RERE: variants seen among roughly 807,000 people sequenced by gnomAD.
RERE encodes arginine-glutamic acid dipeptide repeats protein.
In RERE, 40 loss-of-function variants were observed where a neutral mutation model predicts 146.1. That is an observed-to-expected ratio of 0.27 (90% CI 0.21 to 0.36). RERE has a LOEUF of 0.36. Ranked by LOEUF, RERE falls within the 10% of genes least tolerant of loss-of-function variation. The pLI, the probability that RERE is intolerant of heterozygous loss-of-function variation, is 1.00. For missense variants in RERE, 1,933 were observed against 2,138.7 expected, an observed-to-expected ratio of 0.90 and a Z score of 1.90; for synonymous variants, 1,003 against 866.0, an observed-to-expected ratio of 1.16 and a Z score of -2.78.
chr1:8,810,026 G>C (rs1264932991), intron 1 of RERE, among the ~76,000 whole-genome samples: 1 of 152,048 alleles, frequency 6.6e-6, no homozygotes, highest in African/African-American at 2.4e-5. Flanking sequence ...TGTTGTTTGA[G>C]ACAGAGTCTT....
At chr1:8,379,165 A>C (rs950891209) in intron 12 of RERE, among the ~76,000 whole-genome samples, 1 of 152,100 alleles carries the variant, frequency 6.6e-6, no homozygotes, top group African/African-American at 2.4e-5. Context: ...GAGAACCACA[A>C]GATGGGAAGG....
rs139549067 is a variant in RERE, at chr1:8,393,897, T to C, written c.1285-27923A>G. On this transcript the variant is annotated intron_variant, in intron 12 of 22. Transcript: ENST00000400908. ...TAAAACTTCCTTCATTTTTTGTTTA[T>C]AATTTGAAGGGCAATTAGAAGCTTC... Among the ~76,000 whole-genome samples, 33 of 152,310 alleles carry C rather than the reference T, an allele frequency of 2.2e-4. 3 individuals carry two copies. In the East Asian group the frequency reaches 2.9e-3, roughly 13 times the overall value.
At chr1:8,516,393 A>G (rs2124326833) in intron 7 of RERE, among the ~76,000 whole-genome samples, 1 of 152,242 alleles carries the variant, frequency 6.6e-6, no homozygotes, top group East Asian at 1.9e-4. Context: ...GGTAATAATA[A>G]TAACAATACT....
At chr1:8,758,522 G>C (rs1297773285) in intron 1 of RERE, among the ~76,000 whole-genome samples, 1 of 151,444 alleles carries the variant, frequency 6.6e-6, no homozygotes, top group Non-Finnish European at 1.5e-5. Flanking sequence ...CTCCTAAGTA[G>C]CTGGGACTAC....
chr1:8,422,663 A>G lies in RERE; in HGVS notation c.1284+64T>C, dbSNP rs113599621. The G allele has an allele frequency of 1.2e-4, 138 of 1,199,736 alleles. 2 individuals are homozygous for G. Among genetic ancestry groups the G allele is most frequent in the Non-Finnish European group, 5.0e-6 (4 of 802,882 alleles). 74.3% of individuals were successfully genotyped at this position (1,199,736 alleles called of 1,614,324 possible). A position where few individuals can be genotyped will look rare whatever the true frequency, so the allele number is the denominator to read the frequency against. ...AAAGGAAACCATTTCATAAGATCAA[A>G]TGTGGAGAGGCAGCAGGAGCAAAGA... On this transcript the variant is annotated intron_variant, in intron 12 of 22. Transcript: ENST00000400908.
At chr1:8,484,457 G>A (rs924629152) in intron 10 of RERE, among the ~76,000 whole-genome samples, 52 of 145,746 alleles carry the variant, frequency 3.6e-4, no homozygotes, top group African/African-American at 9.4e-4. Flanking sequence ...ATGGAGTCTC[G>A]CTCTGTCGCC....
chr1:8,808,147 CAAAAA>C (rs778069782), intron 1 of RERE, among the ~76,000 whole-genome samples: 5 of 53,170 alleles, frequency 9.4e-5, no homozygotes, highest in Non-Finnish European at 2.0e-4. Context: ...GACCTTGTCT[CAAAAA>C]AAAAAAAAAA....
chr1:8,624,407 CA>C (rs760841524), intron 2 of RERE, 27 bp from the exon 3 acceptor site: 8 of 1,505,714 alleles, frequency 5.3e-6, no homozygotes, highest in Non-Finnish European at 7.4e-6. Context: ...AATTTTAAAA[CA>C]ATGGCATTTA....
intron 1 of RERE, among the ~76,000 whole-genome samples, chr1:8,791,541 C>T (rs762160235): frequency 6.6e-6 from 1 of 152,160 alleles, no homozygotes; most frequent in Non-Finnish European, 1.5e-5. Context: ...CAGCCAAATG[C>T]CCAGGGGAAG....
chr1:8,774,600 C>A (rs890939757), intron 1 of RERE, among the ~76,000 whole-genome samples: 32 of 151,916 alleles, frequency 2.1e-4, no homozygotes, highest in African/African-American at 7.7e-4. Flanking sequence ...CTGATCGACC[C>A]GCCTCGGCCT....
rs1455199121 is a variant in RERE at position 8,353,677 on chromosome 1, G to A, written c.*1410C>T. 1 of 152,256 alleles carries A rather than the reference G, an allele frequency of 6.6e-6. No homozygotes were observed. The highest frequency in any genetic ancestry group is 1.5e-5 in the Non-Finnish European group (1 of 68,064). 9.4% of individuals were successfully genotyped at this position (152,256 alleles called of 1,614,324 possible). ...TCCGCTCAGAAGGGCCTGGCCTCCT[G>A]AGAAGCAGCCCCCACACAGCATGCT... On this transcript the variant is annotated 3_prime_UTR_variant, in exon 23 of 23. Transcript: ENST00000400908.
rs1487943240 is a variant in RERE, at chr1:8,564,866, G to GTA, written c.523-7344_523-7343insTA. ...TGTGTGTGTGTGTGTGTGTGTGTGT[G>GTA]TGTGTATATATATATATAAAACTAC... On this transcript the variant is annotated intron_variant, in intron 4 of 22. Transcript: ENST00000400908. 4.7e-3 allele frequency among the ~76,000 whole-genome samples: 617 copies of GTA among 131,446 alleles called. 12 individuals are homozygous for GTA. The highest frequency in any genetic ancestry group is 0.035 in the Admixed American group (462 of 13,308). The allele number at this position is 131,446 out of a possible 152,430, so 86.2% of individuals were successfully genotyped here. A position where few individuals can be genotyped will look rare whatever the true frequency, so the allele number is the denominator to read the frequency against.
chr1:8,599,765 G>A (rs1646599574), intron 4 of RERE, among the ~76,000 whole-genome samples: 1 of 152,158 alleles, frequency 6.6e-6, no homozygotes, highest in Non-Finnish European at 1.5e-5. Context: ...TTCAGCAGAA[G>A]GAGACAGTCT....
At chr1:8,425,908 TAAG>T (rs535891083) in intron 11 of RERE, among the ~76,000 whole-genome samples, 38 of 152,240 alleles carry the variant, frequency 2.5e-4, no homozygotes, top group African/African-American at 8.7e-4. Context: ...CTTTACAACC[TAAG>T]AAGAAGTACA....
chr1:8,779,438 G>A (rs993444640), intron 1 of RERE, among the ~76,000 whole-genome samples: 1 of 151,926 alleles, frequency 6.6e-6, no homozygotes, highest in African/African-American at 2.4e-5. Context: ...AAGGTGGGTG[G>A]ATCACCTGAG....
intron 2 of RERE, among the ~76,000 whole-genome samples, chr1:8,637,719 T>C (rs937871079): frequency 5.4e-4 from 82 of 152,212 alleles, no homozygotes; most frequent in African/African-American, 1.8e-3. Context: ...TCCTGTTCTA[T>C]TGACACAACA....
At position 8,365,831 on chromosome 1, in the gene RERE, T is replaced by C. The variant is rs1291840401; in HGVS notation, c.1428A>G (p.Arg476=). The part of the protein sequence containing the change: ...TASTPVNTPS[R]PPSSEFLDLS... ...ACTCACAGAATTCACTGGACGGGGGTCTGGAGGGTGTGTTGACGGGTGTGG... is the reference window on the plus strand; with the variant it reads ...ACTCACAGAATTCACTGGACGGGGGCCTGGAGGGTGTGTTGACGGGTGTGG... Residue 476 remains arginine (R), a synonymous_variant, in exon 13 of 23, where the codon AGA becomes AGG. Coordinates refer to ENST00000400908, the MANE Select transcript of RERE (RefSeq NM_001042681.2). 2 of 1,613,938 alleles carry C rather than the reference T, an allele frequency of 1.2e-6. No individual in the cohort carries two copies. The highest frequency in any genetic ancestry group is 1.7e-5 in the Admixed American group (1 of 60,010).
intron 1 of RERE, among the ~76,000 whole-genome samples, chr1:8,784,228 C>T (rs1226645018): frequency 6.6e-6 from 1 of 152,206 alleles, no homozygotes; most frequent in East Asian, 1.9e-4. Context: ...GGCAAACTCC[C>T]ACACATTTTA....
chr1:8,563,898 C>T (rs548490334), intron 4 of RERE, among the ~76,000 whole-genome samples: 7 of 152,346 alleles, frequency 4.6e-5, no homozygotes, highest in Admixed American at 6.5e-5. Context: ...TAGAGGTTTA[C>T]TGTATAATTC....
Sources: allele counts gnomAD v4.1 joint callset (sites outside exome capture counted in the v4.1 genomes callset), GRCh38; gene constraint gnomAD v4.1.1; transcripts MANE v1.5; gene names NCBI Gene and HGNC (gene_info 2026-07-23, HGNC 2026-07-21).